The following UNC5D variants were observed in gnomAD, a reference collection of about 807,000 sequenced individuals.
UNC5D encodes netrin receptor UNC5D.
A neutral mutation model predicts 105.4 loss-of-function variants in UNC5D; 39 were observed. The ratio of observed to expected loss-of-function variants is 0.37; its 90% CI spans 0.29 to 0.48. The LOEUF is 0.48. Among genes scored for constraint, UNC5D ranks in the 20% least tolerant of loss-of-function variants. The probability of loss-of-function intolerance (pLI) is 0.98; values close to 1 mark genes in which losing one functional copy is unlikely to be tolerated. For synonymous variants in UNC5D, 452 were observed against 450.4 expected (o/e 1.00, Z -0.04); for missense variants, 991 against 1,202.4 (o/e 0.82, Z 2.60).
intron 1 of UNC5D, among the ~76,000 whole-genome samples, chr8:35,336,652 G>C (rs1053877933): frequency 6.6e-6 from 1 of 152,128 alleles, no homozygotes; most frequent in Non-Finnish European, 1.5e-5. Flanking sequence ...CTCCAAGTCT[G>C]CTTGAAAGTA....
At chr8:35,604,220 C>G (rs778088420) in intron 4 of UNC5D, among the ~76,000 whole-genome samples, 6 of 152,046 alleles carry the variant, frequency 3.9e-5, no homozygotes, top group Non-Finnish European at 7.4e-5. Context: ...CATTCAGGAG[C>G]TCTTTTAGGG....
chr8:35,495,677 A>G (rs1333265345), intron 1 of UNC5D, among the ~76,000 whole-genome samples: 1 of 152,098 alleles, frequency 6.6e-6, no homozygotes, highest in African/African-American at 2.4e-5. Flanking sequence ...CTCAGAGACT[A>G]GTTCTCAGTT....
At chr8:35,594,072 C>A (rs1426872807) in intron 3 of UNC5D, among the ~76,000 whole-genome samples, 3 of 152,046 alleles carry the variant, frequency 2.0e-5, no homozygotes, top group Non-Finnish European at 4.4e-5. Context: ...ATTTACGGTT[C>A]CCGGATAGAG....
chr8:35,747,986 T>C (rs893194787), intron 11 of UNC5D, among the ~76,000 whole-genome samples: 3 of 152,222 alleles, frequency 2.0e-5, no homozygotes, highest in African/African-American at 4.8e-5. Flanking sequence ...TATTTGTTCA[T>C]TGGCAAAAAA....
intron 1 of UNC5D, among the ~76,000 whole-genome samples, chr8:35,538,371 CA>C (rs1475906737): frequency 2.2e-5 from 3 of 136,310 alleles, no homozygotes; most frequent in African/African-American, 5.4e-5. Flanking sequence ...AAGGCCTGGT[CA>C]GTCGTGATTT....
chr8:35,627,043 C>T (rs1393352264), intron 4 of UNC5D, among the ~76,000 whole-genome samples: 1 of 152,112 alleles, frequency 6.6e-6, no homozygotes, highest in Admixed American at 6.5e-5. Context: ...CTAATTCCAC[C>T]AACACCCATC....
At chr8:35,684,897 C>T in intron 6 of UNC5D, 148 bp downstream of exon 6, 1 of 1,064,684 alleles carries the variant, frequency 9.4e-7, no homozygotes, top group Non-Finnish European at 1.3e-6. Context: ...ATGTAAAGCT[C>T]ATTGTCATGG....
intron 1 of UNC5D, among the ~76,000 whole-genome samples, chr8:35,392,225 T>G (rs552010013): frequency 2.5e-4 from 38 of 152,232 alleles, no homozygotes; most frequent in African/African-American, 7.9e-4. Context: ...CCACTTTTCG[T>G]TTGAGTCAGT....
chr8:35,245,846 T>A lies in UNC5D; in HGVS notation c.103+9959T>A, dbSNP rs189024368. Among the ~76,000 whole-genome samples, 10 of 152,300 alleles carry A rather than the reference T, an allele frequency of 6.6e-5. No homozygotes were observed. The South Asian group carries it at 1.4e-3, about 22-fold the overall frequency. On this transcript the variant is annotated intron_variant, in intron 1 of 16. Transcript: ENST00000404895. ...AGTAGAATGTCATATATCATCATCA[T>A]AGCAAACTTAGATCATTAAAGTTAT...
intron 10 of UNC5D, among the ~76,000 whole-genome samples, chr8:35,728,390 A>T (rs72634976): frequency 5.0e-4 from 76 of 152,252 alleles, no homozygotes; most frequent in Middle Eastern, 3.4e-3. Flanking sequence ...AATCATGATG[A>T]ACCAGAGATT....
chr8:35,367,240 A>G (rs1802169734), intron 1 of UNC5D, among the ~76,000 whole-genome samples: 1 of 152,122 alleles, frequency 6.6e-6, no homozygotes, highest in Admixed American at 6.6e-5. Context: ...CTACCCACCT[A>G]CTTGCCTGTT....
At chr8:35,518,892 G>T (rs1251304650) in intron 1 of UNC5D, among the ~76,000 whole-genome samples, 1 of 152,074 alleles carries the variant, frequency 6.6e-6, no homozygotes, top group Non-Finnish European at 1.5e-5. Flanking sequence ...ACTAGAGTAG[G>T]AGTCCACAGA....
chr8:35,773,414 AATTTT>A, intron 15 of UNC5D, among the ~76,000 whole-genome samples: 1 of 152,190 alleles, frequency 6.6e-6, no homozygotes, highest in Non-Finnish European at 1.5e-5. Flanking sequence ...ATTCTGAAAC[AATTTT>A]ATTTAATTTT....
At position 35,710,934 on chromosome 8, in the gene UNC5D, CTTTTTTTTTT is replaced by C. The variant is rs775014566; in HGVS notation, c.1117+4986_1117+4995del. Among the ~76,000 whole-genome samples the C allele has an allele frequency of 8.7e-5, 10 of 114,382 alleles. 1 individual carries two copies. Among genetic ancestry groups the C allele is most frequent in the African/African-American group, 3.2e-4 (8 of 25,012 alleles). 75.0% of individuals were successfully genotyped at this position (114,382 alleles called of 152,430 possible). A position where few individuals can be genotyped will look rare whatever the true frequency, so the allele number is the denominator to read the frequency against. On this transcript the variant is annotated intron_variant, in intron 8 of 16. Coordinates refer to ENST00000404895, the MANE Select transcript of UNC5D (RefSeq NM_080872.4). ...GCCTCTTCAGTAGCTCAGCATTATT[CTTTTTTTTTT>C]TTTTTTTTTTTTGAGACGGAGTCTC...
At chr8:35,474,473 C>T (rs62505504) in intron 1 of UNC5D, among the ~76,000 whole-genome samples, 544 of 152,198 alleles carry the variant, frequency 3.6e-3, no homozygotes, top group Non-Finnish European at 5.9e-3. Flanking sequence ...ATTTGAGATA[C>T]GATGTATATG....
At chr8:35,540,444 G>GGTGTGTGTGTGTGT (rs11467586) in intron 1 of UNC5D, among the ~76,000 whole-genome samples, 27 of 142,696 alleles carry the variant, frequency 1.9e-4, no homozygotes, top group African/African-American at 6.4e-4. Context: ...AAAGCAGAGG[G>GGTGTGTGTGTGTGT]GTGTGTGTGT....
chr8:35,558,987 G>GA (rs765831186), intron 2 of UNC5D, among the ~76,000 whole-genome samples: 32 of 145,146 alleles, frequency 2.2e-4, no homozygotes, highest in Middle Eastern at 3.5e-3. Flanking sequence ...GTCTCCAGGG[G>GA]AAAAAAAAAA....
intron 4 of UNC5D, among the ~76,000 whole-genome samples, chr8:35,612,757 G>A (rs1212300585): frequency 5.7e-5 from 2 of 35,000 alleles, no homozygotes; most frequent in Non-Finnish European, 1.1e-4. Flanking sequence ...TTGCTTCTTT[G>A]TCTCAGGAAT....
chr8:35,388,085 A>G (rs1411847203), intron 1 of UNC5D, among the ~76,000 whole-genome samples: 1 of 152,096 alleles, frequency 6.6e-6, no homozygotes, highest in Non-Finnish European at 1.5e-5. Flanking sequence ...ATTAAGAAGG[A>G]AGTCTTGGTG....
Sources: gnomAD v4.1 joint callset for allele counts (sites outside exome capture counted in the v4.1 genomes callset) on GRCh38, gnomAD v4.1.1 for gene constraint, MANE v1.5 for transcripts, NCBI Gene and HGNC (gene_info 2026-07-23, HGNC 2026-07-21) for gene names.